NALF1: variants seen among roughly 807,000 people sequenced by gnomAD.
NALF1 encodes the protein NALCN channel auxiliary factor 1.
Under a neutral mutation model 48.4 loss-of-function variants are expected in NALF1, and 3 were observed. The ratio of observed to expected loss-of-function variants is 0.06; its 90% CI spans 0.03 to 0.16. NALF1 has a LOEUF of 0.16. Among genes scored for constraint, NALF1 ranks in the 10% least tolerant of loss-of-function variants. The pLI, the probability that NALF1 is intolerant of heterozygous loss-of-function variation, is 1.00. For missense variants in NALF1, 526 were observed against 571.5 expected, an observed-to-expected ratio of 0.92 and a Z score of 0.81; for synonymous variants, 262 against 245.7, an observed-to-expected ratio of 1.07 and a Z score of -0.62.
chr13:107,439,529 G>C (rs1017735545), intron 1 of NALF1, among the ~76,000 whole-genome samples: 1 of 152,132 alleles, frequency 6.6e-6, no homozygotes, highest in African/African-American at 2.4e-5. Context: ...CCCTTGGGTT[G>C]TGGTTTTAAG....
chr13:107,746,211 G>A (rs995656427), intron 1 of NALF1, among the ~76,000 whole-genome samples: 21 of 152,276 alleles, frequency 1.4e-4, no homozygotes, highest in Admixed American at 1.0e-3. Flanking sequence ...AGAAGGACAC[G>A]TTGGCTTCCT....
At chr13:107,517,440 C>A (rs1430317616) in intron 1 of NALF1, among the ~76,000 whole-genome samples, 3 of 151,178 alleles carry the variant, frequency 2.0e-5, no homozygotes, top group Admixed American at 2.0e-4. Context: ...ACCATCCTGG[C>A]TAACATGGTG....
At chr13:107,332,070 T>C (rs754891671) in intron 1 of NALF1, among the ~76,000 whole-genome samples, 4 of 152,244 alleles carry the variant, frequency 2.6e-5, no homozygotes, top group Admixed American at 1.3e-4. Context: ...TTCCTGGATA[T>C]GGACATTAAG....
intron 1 of NALF1, among the ~76,000 whole-genome samples, chr13:107,251,064 T>G (rs1880690512): frequency 6.6e-6 from 1 of 152,194 alleles, no homozygotes; most frequent in South Asian, 2.1e-4. Context: ...TTTATAGCAG[T>G]GTGAGAACAG....
chr13:107,246,765 G>A (rs1880593973), intron 1 of NALF1, among the ~76,000 whole-genome samples: 1 of 152,020 alleles, frequency 6.6e-6, no homozygotes, highest in Non-Finnish European at 1.5e-5. Context: ...GCCACATTGA[G>A]GATTGTTTTT....
chr13:107,373,048 T>C (rs140554356), intron 1 of NALF1, among the ~76,000 whole-genome samples: 69 of 152,244 alleles, frequency 4.5e-4, no homozygotes, highest in African/African-American at 1.6e-3. Context: ...TCTGATCCCT[T>C]TGGGATTAGT....
chr13:107,574,901 A>C (rs2138404684), intron 1 of NALF1, among the ~76,000 whole-genome samples: 2 of 152,308 alleles, frequency 1.3e-5, no homozygotes, highest in Middle Eastern at 6.8e-3. Context: ...GCACATGAGA[A>C]GTTTTTGACA....
chr13:107,706,915 A>ATTTTTT (rs1294681174), intron 1 of NALF1, among the ~76,000 whole-genome samples: 2 of 97,818 alleles, frequency 2.0e-5, no homozygotes, highest in African/African-American at 8.1e-5. Context: ...AATCAAGGGC[A>ATTTTTT]TTCTTTTTTT....
chr13:107,470,874 T>G (rs2139052363), intron 1 of NALF1, among the ~76,000 whole-genome samples: 1 of 152,304 alleles, frequency 6.6e-6, no homozygotes, highest in South Asian at 2.1e-4. Context: ...ACTACGATCG[T>G]TAATAATTTA....
At chr13:107,506,644 T>G (rs192306954) in intron 1 of NALF1, among the ~76,000 whole-genome samples, 34 of 152,282 alleles carry the variant, frequency 2.2e-4, no homozygotes, top group African/African-American at 7.5e-4. Context: ...ATTATGGGTC[T>G]CTAGTGAATG....
chr13:107,242,862 C>T (rs908320402), intron 1 of NALF1, among the ~76,000 whole-genome samples: 1 of 152,088 alleles, frequency 6.6e-6, no homozygotes, highest in African/African-American at 2.4e-5. Context: ...CCAACTTGTA[C>T]TCTATCACAA....
At chr13:107,491,384 ACAGTTTT>A (rs1268385712) in intron 1 of NALF1, among the ~76,000 whole-genome samples, 1 of 152,198 alleles carries the variant, frequency 6.6e-6, no homozygotes, top group African/African-American at 2.4e-5. Flanking sequence ...TGGAGACGAC[ACAGTTTT>A]CAGAAGCATA....
intron 1 of NALF1, among the ~76,000 whole-genome samples, chr13:107,838,150 G>A (rs1342614062): frequency 1.3e-5 from 2 of 152,074 alleles, no homozygotes; most frequent in Non-Finnish European, 2.9e-5. Flanking sequence ...CATCTACTAA[G>A]AAGTTTTGGC....
intron 1 of NALF1, among the ~76,000 whole-genome samples, chr13:107,236,721 CTATCTATCTAT>C (rs1566460158): frequency 1.3e-4 from 20 of 148,498 alleles, no homozygotes; most frequent in African/African-American, 5.1e-4. Flanking sequence ...ATCTATCTAT[CTATCTATCTAT>C]CTATCATCTA....
intron 1 of NALF1, among the ~76,000 whole-genome samples, chr13:107,767,346 T>C (rs1402587104): frequency 6.6e-6 from 1 of 152,224 alleles, no homozygotes; most frequent in African/African-American, 2.4e-5. Context: ...GATTCCCTCC[T>C]GCTGCTGTAT....
chr13:107,475,384 T>A (rs76033804), intron 1 of NALF1, among the ~76,000 whole-genome samples: 3 of 152,348 alleles, frequency 2.0e-5, no homozygotes, highest in Non-Finnish European at 4.4e-5. Flanking sequence ...GTTTTTAGTG[T>A]CTGCTCTACT....
intron 1 of NALF1, among the ~76,000 whole-genome samples, chr13:107,533,591 C>T (rs897303200): frequency 6.6e-6 from 1 of 152,130 alleles, no homozygotes; most frequent in African/African-American, 2.4e-5. Context: ...TATTTTGCTA[C>T]AGCAGCACAA....
chr13:107,719,583 A>G (rs554618165), intron 1 of NALF1, among the ~76,000 whole-genome samples: 19 of 152,210 alleles, frequency 1.2e-4, no homozygotes, highest in African/African-American at 4.3e-4. Context: ...TAGATGTCCA[A>G]GTAGAACTCA....
At chr13:107,732,931 T>C (rs1044611286) in intron 1 of NALF1, among the ~76,000 whole-genome samples, 1 of 152,160 alleles carries the variant, frequency 6.6e-6, no homozygotes, top group Non-Finnish European at 1.5e-5. Flanking sequence ...TTTTTTAAGT[T>C]AATGATTTTA....
Sources: gnomAD v4.1 joint callset for allele counts (sites outside exome capture counted in the v4.1 genomes callset) on GRCh38, gnomAD v4.1.1 for gene constraint, MANE v1.5 for transcripts, NCBI Gene and HGNC (gene_info 2026-07-23, HGNC 2026-07-21) for gene names.